Variants in DACH2 observed in about 807,000 individuals in gnomAD.
DACH2 encodes the protein dachshund family transcription factor 2.
A neutral mutation model predicts 35.8 loss-of-function variants in DACH2; 17 were observed. The observed-to-expected ratio is 0.48, with a 90% CI of 0.33 to 0.71. The LOEUF is 0.71. DACH2 is among the 30% of genes least tolerant of loss of function. The pLI is 0.02. For missense variants in DACH2, 469 were observed against 472.7 expected (o/e 0.99, Z 0.07); for synonymous variants, 195 against 177.3 (o/e 1.10, Z -0.79).
At chrX:86,569,018 G>T (rs937797467) in intron 3 of DACH2, among the ~76,000 whole-genome samples, 10 of 111,039 alleles carry the variant, frequency 9.0e-5, no homozygotes, top group Non-Finnish European at 5.7e-5. Flanking sequence ...AACTCACAAG[G>T]TTTTACATAA....
chrX:86,537,568 T>G (rs1257798590), intron 3 of DACH2, among the ~76,000 whole-genome samples: 1 of 112,343 alleles, frequency 8.9e-6, no homozygotes, highest in East Asian at 2.8e-4. Context: ...TGTTTCCTTT[T>G]AATTATAAAT....
chrX:86,763,237 TA>T (rs1438560813), intron 7 of DACH2, among the ~76,000 whole-genome samples: 1 of 111,310 alleles, frequency 9.0e-6, no homozygotes, highest in Non-Finnish European at 1.9e-5. Context: ...GTAGAATGAG[TA>T]AAAAAATCCA....
chrX:86,177,132 G>A (rs1390756936), intron 1 of DACH2, among the ~76,000 whole-genome samples: 2 of 111,631 alleles, frequency 1.8e-5, no homozygotes, highest in African/African-American at 6.5e-5. Flanking sequence ...CAAATAATCC[G>A]ATTATACTTT....
chrX:86,355,295 A>C (rs1474213571), intron 1 of DACH2, among the ~76,000 whole-genome samples: 3 of 111,678 alleles, frequency 2.7e-5, no homozygotes, highest in African/African-American at 9.8e-5. Flanking sequence ...CATCTTTGCT[A>C]TTGTGAATAG....
At chrX:86,312,621 C>A (rs2034824159) in intron 1 of DACH2, among the ~76,000 whole-genome samples, 1 of 111,615 alleles carries the variant, frequency 9.0e-6, no homozygotes, top group Non-Finnish European at 1.9e-5. Flanking sequence ...AATCATCTGC[C>A]AGTGAATATA....
intron 3 of DACH2, among the ~76,000 whole-genome samples, chrX:86,618,761 C>T (rs2040036828): frequency 1.8e-5 from 2 of 111,675 alleles, no homozygotes; most frequent in Non-Finnish European, 3.8e-5. Flanking sequence ...ATTAGATTTC[C>T]TACAATTGCC....
intron 7 of DACH2, among the ~76,000 whole-genome samples, chrX:86,745,207 A>G (rs190026858): frequency 7.2e-5 from 8 of 111,653 alleles, no homozygotes; most frequent in African/African-American, 2.6e-4. Context: ...TAGTTTTAAC[A>G]TCCTTTGGTC....
intron 1 of DACH2, among the ~76,000 whole-genome samples, chrX:86,258,374 ATCTTT>A (rs3034510): frequency 0.17 from 18,854 of 110,012 alleles, 4,164 homozygotes; most frequent in African/African-American, 0.6. Context: ...TAAATTTAAA[ATCTTT>A]TCTTTTCTTT....
At chrX:86,405,946 G>T (rs2036520881) in intron 2 of DACH2, among the ~76,000 whole-genome samples, 1 of 110,772 alleles carries the variant, frequency 9.0e-6, no homozygotes, top group South Asian at 3.9e-4. Context: ...CAATGGGTGG[G>T]GAACCCCCTT....
intron 7 of DACH2, among the ~76,000 whole-genome samples, chrX:86,796,004 T>A (rs1188854541): frequency 8.9e-6 from 1 of 111,819 alleles, no homozygotes; most frequent in Non-Finnish European, 1.9e-5. Context: ...AGAACAAAGC[T>A]GCCACAGCGT....
chrX:86,317,824 G>T (rs927437906), intron 1 of DACH2, among the ~76,000 whole-genome samples: 3 of 111,023 alleles, frequency 2.7e-5, no homozygotes, highest in Non-Finnish European at 5.7e-5. Flanking sequence ...TTCCAAGAGC[G>T]TGGGGTTCCT....
At chrX:86,173,439 T>C (rs7057764) in intron 1 of DACH2, among the ~76,000 whole-genome samples, 7,877 of 111,317 alleles carry the variant, frequency 0.071, 680 homozygotes, top group African/African-American at 0.24. Flanking sequence ...CAGTTTTAAA[T>C]AGGATGGGCA....
intron 1 of DACH2, among the ~76,000 whole-genome samples, chrX:86,178,312 CCTAT>C (rs774242249): frequency 1.6e-4 from 18 of 111,282 alleles, no homozygotes; most frequent in Admixed American, 2.9e-4. Context: ...CTGCAGACAG[CCTAT>C]CTCTTTTTTT....
intron 1 of DACH2, among the ~76,000 whole-genome samples, chrX:86,359,501 A>G (rs1263840632): frequency 8.9e-6 from 1 of 111,814 alleles, no homozygotes; most frequent in Non-Finnish European, 1.9e-5. Context: ...TAATCCCAGC[A>G]CTTTGGGAGG....
At chrX:86,765,466 C>T (rs762114171) in intron 7 of DACH2, among the ~76,000 whole-genome samples, 1 of 110,827 alleles carries the variant, frequency 9.0e-6, no homozygotes, top group Non-Finnish European at 1.9e-5. Context: ...CCAGTTACCC[C>T]AGCACCATTT....
At chrX:86,207,658 C>G (rs1407966144) in intron 1 of DACH2, among the ~76,000 whole-genome samples, 1 of 111,486 alleles carries the variant, frequency 9.0e-6, no homozygotes, top group Non-Finnish European at 1.9e-5. Flanking sequence ...CAACAACAAA[C>G]TTCTGTATTT....
At chrX:86,190,463 A>T (rs1482393451) in intron 1 of DACH2, among the ~76,000 whole-genome samples, 2 of 111,697 alleles carry the variant, frequency 1.8e-5, no homozygotes, top group African/African-American at 6.5e-5. Flanking sequence ...TCTTTCTTGG[A>T]ACGCCTTCTT....
chrX:86,289,810 C>G (rs865970437), intron 1 of DACH2, among the ~76,000 whole-genome samples: 195 of 109,181 alleles, frequency 1.8e-3, no homozygotes, highest in African/African-American at 5.8e-3. Flanking sequence ...TTTTCTTAAT[C>G]CAGTCTATCA....
rs768595768 is a variant in DACH2 at position 86,396,097 on chromosome X, G to A, written c.527+19235G>A. Among the ~76,000 whole-genome samples the A allele has an allele frequency of 5.1e-3, 570 of 111,906 alleles. 5 individuals carry two copies. Among genetic ancestry groups the A allele is most frequent in the African/African-American group, 0.018 (542 of 30,769 alleles). The stretch of plus-strand genomic sequence containing the variant: ...TTGCCATTCTAACTGGTGTGAGATG[G>A]TATCTCATTGTGGTTTTGATTTGCA... On this transcript the variant is annotated intron_variant, in intron 2 of 11. Transcript: ENST00000373125.
Sources: allele counts gnomAD v4.1 joint callset (sites outside exome capture counted in the v4.1 genomes callset), GRCh38; gene constraint gnomAD v4.1.1; transcripts MANE v1.5; gene names NCBI Gene and HGNC (gene_info 2026-07-23, HGNC 2026-07-21).